SNAPC1: variants seen among roughly 807,000 people sequenced by gnomAD.
SNAPC1 encodes the protein snRNA-activating protein complex subunit 1.
In SNAPC1, 42 loss-of-function variants were observed where a neutral mutation model predicts 50.1. The ratio of observed to expected loss-of-function variants is 0.84; its 90% CI spans 0.65 to 1.08. The LOEUF is 1.08. Ranked by LOEUF, SNAPC1 falls within the 50% of genes least tolerant of loss-of-function variation. The pLI is 0.00. For missense variants in SNAPC1, 477 were observed against 427.3 expected (o/e 1.12, Z -1.02); for synonymous variants, 164 against 144.2 (o/e 1.14, Z -0.98).
At chr14:61,770,455 G>GTGGGTC (rs1468623236) in intron 4 of SNAPC1, among the ~76,000 whole-genome samples, 9 of 151,974 alleles carry the variant, frequency 5.9e-5, no homozygotes, top group Admixed American at 3.9e-4. Context: ...TGTTGACCAG[G>GTGGGTC]TTGGTCTTGA....
rs1393166264 is a variant in SNAPC1, at chr14:61,796,383, A to C, written c.*1400A>C. On this transcript the variant is annotated 3_prime_UTR_variant, in exon 10 of 10. Coordinates refer to ENST00000216294, the MANE Select transcript of SNAPC1 (RefSeq NM_003082.4). ...ATATCTCTATATCTAATCTTTAAAAATCAGAATGCTAATGCTGACGCAAAT... is the reference window on the plus strand; with the variant it reads ...ATATCTCTATATCTAATCTTTAAAACTCAGAATGCTAATGCTGACGCAAAT... The C allele has an allele frequency of 6.6e-6, 1 of 152,250 alleles. No individual in the cohort carries two copies. Among genetic ancestry groups the C allele is most frequent in the Admixed American group, 6.5e-5 (1 of 15,290 alleles). 9.4% of individuals were successfully genotyped at this position (152,250 alleles called of 1,614,324 possible).
At chr14:61,783,670 G>C (rs1438582364) in intron 8 of SNAPC1, among the ~76,000 whole-genome samples, 2 of 151,552 alleles carry the variant, frequency 1.3e-5, no homozygotes, top group Non-Finnish European at 2.9e-5. Context: ...CAAGTAGCTG[G>C]GACTACAGGC....
chr14:61,774,763 C>T (rs746322672), intron 4 of SNAPC1, among the ~76,000 whole-genome samples: 1 of 148,568 alleles, frequency 6.7e-6, no homozygotes, highest in Non-Finnish European at 1.5e-5. Flanking sequence ...TCCCAGGTTC[C>T]AGTGATTCTC....
intron 4 of SNAPC1, among the ~76,000 whole-genome samples, chr14:61,773,986 G>A (rs764183726): frequency 2.6e-5 from 4 of 152,106 alleles, no homozygotes; most frequent in Non-Finnish European, 5.9e-5. Context: ...TGGGATTACA[G>A]GCATGAGCCA....
At chr14:61,785,381 A>T (rs770811581) in intron 8 of SNAPC1, among the ~76,000 whole-genome samples, 1 of 152,174 alleles carries the variant, frequency 6.6e-6, no homozygotes, top group African/African-American at 2.4e-5. Flanking sequence ...TTGCGCTCCA[A>T]CCTGGGCAAC....
intron 4 of SNAPC1, among the ~76,000 whole-genome samples, chr14:61,769,316 G>A (rs1304367961): frequency 6.6e-6 from 1 of 150,948 alleles, no homozygotes; most frequent in Non-Finnish European, 1.5e-5. Flanking sequence ...AGATCGCACC[G>A]CTGCACTCCA....
intron 8 of SNAPC1, among the ~76,000 whole-genome samples, chr14:61,783,485 C>G (rs1234555798): frequency 2.8e-5 from 4 of 141,388 alleles, no homozygotes; most frequent in African/African-American, 1.1e-4. Context: ...TACCTTTCTT[C>G]TTAAGGAAAT....
At chr14:61,793,531 C>T (rs1214102391) in intron 9 of SNAPC1, among the ~76,000 whole-genome samples, 1 of 152,060 alleles carries the variant, frequency 6.6e-6, no homozygotes, top group South Asian at 2.1e-4. Flanking sequence ...GCATGAGCCA[C>T]CGTGCCTGGC....
Position 61,782,352 on chromosome 14 carries a change from G to C in SNAPC1, c.931G>C (p.Glu311Gln), listed in dbSNP as rs776473825. Residue 311 changes from glutamate to glutamine, a missense_variant, in exon 8 of 10, where the codon GAA becomes CAA. Transcript: ENST00000216294. ...VKATRKKEKK[E>Q]RLKPAGRKMS... is the part of the protein sequence containing the mutation. ...AGCAACTAGGAAAAAAGAGAAGAAA[G>C]AAAGATTGAAACCAGCAGGAAGGAA... The C allele has an allele frequency of 4.3e-6, 7 of 1,613,364 alleles. No homozygotes were observed. In the African/African-American group the frequency reaches 9.3e-5, roughly 22 times the overall value.
intron 1 of SNAPC1, among the ~76,000 whole-genome samples, chr14:61,766,406 C>G (rs1350570199): frequency 6.6e-6 from 1 of 152,164 alleles, no homozygotes; most frequent in African/African-American, 2.4e-5. Context: ...GACCCTGTCT[C>G]CTTTGTTCAG....
intron 3 of SNAPC1, 58 bp downstream of exon 3, chr14:61,767,410 A>G: frequency 1.8e-6 from 2 of 1,106,552 alleles, no homozygotes; most frequent in Non-Finnish European, 2.4e-6. Flanking sequence ...TTTATTGTCC[A>G]TAAAACCTCT....
At chr14:61,780,456 G>T (rs2045063829) in intron 7 of SNAPC1, among the ~76,000 whole-genome samples, 2 of 152,072 alleles carry the variant, frequency 1.3e-5, no homozygotes, top group South Asian at 2.1e-4. Flanking sequence ...TGTTTTTTCA[G>T]TCCCACCTCA....
chr14:61,762,505 C>T lies in SNAPC1; in HGVS notation c.45C>T (p.Leu15=), dbSNP rs1313591237. The part of the protein sequence containing the change: ...PGLQTDCEAL[L]SRFQETDSVR... The stretch of plus-strand genomic sequence containing the variant: ...TGCAGACCGACTGCGAGGCGCTGCT[C>T]AGCCGCTTCCAGGAGACGGACAGTG... Residue 15 remains leucine (L), a synonymous_variant, in exon 1 of 10, where the codon CTC becomes CTT. Transcript: ENST00000216294. 6.7e-7 allele frequency: 1 copy of T among 1,483,992 alleles called. No homozygotes were observed. Among genetic ancestry groups the T allele is most frequent in the Non-Finnish European group, 8.9e-7 (1 of 1,118,028 alleles). 91.9% of individuals were successfully genotyped at this position (1,483,992 alleles called of 1,614,324 possible). A position where few individuals can be genotyped will look rare whatever the true frequency, so the allele number is the denominator to read the frequency against.
intron 8 of SNAPC1, among the ~76,000 whole-genome samples, chr14:61,783,202 T>C: frequency 6.7e-6 from 1 of 149,204 alleles, no homozygotes; most frequent in Non-Finnish European, 1.5e-5. Context: ...TTTTTTTGTA[T>C]TTTTTTTTAG....
At chr14:61,792,107 GAAAA>G (rs59143719) in intron 8 of SNAPC1, among the ~76,000 whole-genome samples, 4 of 114,336 alleles carry the variant, frequency 3.5e-5, no homozygotes, top group Admixed American at 2.6e-4. Flanking sequence ...CATTAAAAAA[GAAAA>G]AAAAAAAAAA....
chr14:61,764,075 C>T (rs1335557905), intron 1 of SNAPC1, among the ~76,000 whole-genome samples: 4 of 152,064 alleles, frequency 2.6e-5, no homozygotes, highest in South Asian at 2.1e-4. Flanking sequence ...GCTGGGACTA[C>T]GGCTTGTGCC....
At chr14:61,778,203 C>G in intron 6 of SNAPC1, 63 bp downstream of exon 6, 1 of 945,738 alleles carries the variant, frequency 1.1e-6, no homozygotes, top group Non-Finnish European at 1.6e-6. Context: ...GCATTGTGAC[C>G]CATGGTCAGT....
chr14:61,767,443 G>C (rs2044956538), intron 3 of SNAPC1, 91 bp downstream of exon 3: 2 of 717,612 alleles, frequency 2.8e-6, no homozygotes, highest in Non-Finnish European at 4.1e-6. Context: ...AATGGAATAA[G>C]TATTGATAGT....
At chr14:61,784,164 A>T (rs747802638) in intron 8 of SNAPC1, among the ~76,000 whole-genome samples, 4 of 152,222 alleles carry the variant, frequency 2.6e-5, no homozygotes, top group African/African-American at 4.8e-5. Flanking sequence ...TTTGTTAAGT[A>T]TGATCAAGAA....
Sources: allele counts gnomAD v4.1 joint callset (sites outside exome capture counted in the v4.1 genomes callset), GRCh38; gene constraint gnomAD v4.1.1; transcripts MANE v1.5; gene names NCBI Gene and HGNC (gene_info 2026-07-23, HGNC 2026-07-21).